Variants in PPP2R2C observed in about 807,000 individuals in gnomAD.
PPP2R2C encodes the protein protein phosphatase 2, regulatory subunit B, gamma.
A neutral mutation model predicts 45.3 loss-of-function variants in PPP2R2C; 10 were observed. The observed-to-expected ratio is 0.22, with a 90% CI of 0.14 to 0.37. The LOEUF is 0.37. Among genes scored for constraint, PPP2R2C ranks in the 10% least tolerant of loss-of-function variants. The pLI, the probability that PPP2R2C is intolerant of heterozygous loss-of-function variation, is 1.00. For missense variants in PPP2R2C, 308 were observed against 619.7 expected (o/e 0.50, Z 5.34); for synonymous variants, 257 against 245.4 (o/e 1.05, Z -0.44).
intron 1 of PPP2R2C, among the ~76,000 whole-genome samples, chr4:6,435,632 A>T (rs528158577): frequency 9.0e-4 from 137 of 152,342 alleles, no homozygotes; most frequent in African/African-American, 3.3e-3. Context: ...TTTATACAAG[A>T]TTCGTGCACC....
rs1389875178 is a variant in PPP2R2C, at chr4:6,330,598, C to T, written c.961-1245G>A. ...GCGTGTGGGCTCGCATAGTCACTCT[C>T]CCCTGGGTCACCAGCCTGCCCGCCT... On this transcript the variant is annotated intron_variant, in intron 7 of 8. Transcript: ENST00000382599. This position sits in a 1 kb window ranked among gnomAD's most constrained non-coding sequence, Gnocchi z 7.0. 2.0e-5 allele frequency among the ~76,000 whole-genome samples: 3 copies of T among 152,182 alleles called. No homozygotes were observed. Among genetic ancestry groups the T allele is most frequent in the Non-Finnish European group, 2.9e-5 (2 of 68,040 alleles).
Position 6,368,313 on chromosome 4 carries a change from C to T in PPP2R2C, c.625+4210G>A, listed in dbSNP as rs550553840. 3.9e-5 allele frequency among the ~76,000 whole-genome samples: 6 copies of T among 152,306 alleles called. No individual in the cohort carries two copies. In the East Asian group the frequency reaches 7.7e-4, roughly 20 times the overall value. On this transcript the variant is annotated intron_variant, in intron 5 of 8. Coordinates refer to ENST00000382599, the MANE Select transcript of PPP2R2C (RefSeq NM_020416.4). This position sits in a 1 kb window ranked among gnomAD's most constrained non-coding sequence, Gnocchi z 4.2. ...GGCTGGAGAGAAATGTACACGGCTG[C>T]GCTGGCTGGGCCACCGACTCCCTGT...
intron 2 of PPP2R2C, chr4:6,535,142 A>G: frequency 9.2e-7 from 1 of 1,085,784 alleles, no homozygotes; most frequent in Non-Finnish European, 1.3e-6. Context: ...CAGGGGAGGG[A>G]CCGGATCCCA....
upstream of PPP2R2C, among the ~76,000 whole-genome samples, chr4:6,474,950 G>A (rs1418278859): frequency 6.6e-6 from 1 of 152,018 alleles, no homozygotes; most frequent in African/African-American, 2.4e-5. Flanking sequence ...GCCACCCCCA[G>A]CCTCTCTGTA....
intron 3 of PPP2R2C, among the ~76,000 whole-genome samples, chr4:6,377,937 G>GC (rs1448706882): frequency 3.3e-5 from 5 of 152,320 alleles, no homozygotes; most frequent in Non-Finnish European, 7.4e-5. Flanking sequence ...TCCTCCCACT[G>GC]CCCCGCAAGG....
chr4:6,355,147 A>T (rs1252099441), intron 5 of PPP2R2C, among the ~76,000 whole-genome samples: 1 of 152,182 alleles, frequency 6.6e-6, no homozygotes, highest in African/African-American at 2.4e-5. Context: ...GCCTGTCAGG[A>T]TTGCTGCTGC....
rs547992345 is a variant in PPP2R2C, at chr4:6,356,723, T to G, written c.626-8713A>C. Among the ~76,000 whole-genome samples the G allele has an allele frequency of 4.6e-5, 7 of 152,374 alleles. No individual in the cohort carries two copies. The East Asian group carries it at 1.3e-3, about 29-fold the overall frequency. On this transcript the variant is annotated intron_variant, in intron 5 of 8. Coordinates refer to ENST00000382599, the MANE Select transcript of PPP2R2C (RefSeq NM_020416.4). ...GAGAAGGTCTGCGGCCTGTTCTGCC[T>G]GGCTGCCAGGGACCCTGGGTTCCAG... is the stretch of plus-strand genomic sequence containing the variant.
chr4:6,432,521 C>G (rs1377603790), intron 1 of PPP2R2C, among the ~76,000 whole-genome samples: 1 of 152,244 alleles, frequency 6.6e-6, no homozygotes, highest in South Asian at 2.1e-4. Context: ...ACCAGCTTCA[C>G]TGTCATCTCC....
intron 2 of PPP2R2C, among the ~76,000 whole-genome samples, chr4:6,509,273 C>T (rs1367396135): frequency 6.6e-6 from 1 of 152,180 alleles, no homozygotes; most frequent in Non-Finnish European, 1.5e-5. Flanking sequence ...ATCTGAAAGC[C>T]TTGCCTGGCA....
At position 6,368,318 on chromosome 4, in the gene PPP2R2C, G is replaced by T. The variant is rs1714511143; in HGVS notation, c.625+4205C>A. ...GAGAGAAATGTACACGGCTGCGCTG[G>T]CTGGGCCACCGACTCCCTGTAGCAC... is the stretch of plus-strand genomic sequence containing the variant. On this transcript the variant is annotated intron_variant, in intron 5 of 8. Transcript: ENST00000382599. This position sits in a 1 kb window ranked among gnomAD's most constrained non-coding sequence, Gnocchi z 4.2. 6.6e-6 allele frequency among the ~76,000 whole-genome samples: 1 copy of T among 152,318 alleles called. No individual in the cohort carries two copies. Among genetic ancestry groups the T allele is most frequent in the Non-Finnish European group, 1.5e-5 (1 of 68,034 alleles).
chr4:6,456,648 G>A (rs1560561770), intron 1 of PPP2R2C, among the ~76,000 whole-genome samples: 1 of 152,214 alleles, frequency 6.6e-6, no homozygotes, highest in Admixed American at 6.5e-5. Context: ...TGGCTGGAGG[G>A]CTGCACACTG....
In PPP2R2C at chr4:6,345,254, TGTACACAGGCA is replaced by T. The variant is rs1158612978; in HGVS notation, c.790+2581_790+2591del. Reference sequence around the variant, plus strand: ...CATTCCATTCGGACCCAGACCTGGCTGTACACAGGCACAGCTGGAGGCACATGTGGCCTGAG... The same window carrying T: ...CATTCCATTCGGACCCAGACCTGGCTCAGCTGGAGGCACATGTGGCCTGAG... On this transcript the variant is annotated intron_variant, in intron 6 of 8. Coordinates refer to ENST00000382599, the MANE Select transcript of PPP2R2C (RefSeq NM_020416.4). The surrounding 1 kb of genome is among the most constrained non-coding windows in gnomAD (Gnocchi z 5.3). 6.6e-6 allele frequency among the ~76,000 whole-genome samples: 1 copy of T among 152,156 alleles called. No individual in the cohort carries two copies. Among genetic ancestry groups the T allele is most frequent in the Non-Finnish European group, 1.5e-5 (1 of 68,038 alleles).
chr4:6,337,679 G>A (rs1733089942), intron 6 of PPP2R2C, among the ~76,000 whole-genome samples: 1 of 152,124 alleles, frequency 6.6e-6, no homozygotes, highest in Admixed American at 6.5e-5. Flanking sequence ...GTGTCACAGG[G>A]CAGAACGAGT....
chr4:6,345,837 C>A lies in PPP2R2C; in HGVS notation c.790+2009G>T, dbSNP rs1029548938. Among the ~76,000 whole-genome samples the A allele has an allele frequency of 3.3e-5, 5 of 152,176 alleles. No individual in the cohort carries two copies. The highest frequency in any genetic ancestry group is 2.0e-4 in the Admixed American group (3 of 15,284). On this transcript the variant is annotated intron_variant, in intron 6 of 8. Coordinates refer to ENST00000382599, the MANE Select transcript of PPP2R2C (RefSeq NM_020416.4). This position sits in a 1 kb window ranked among gnomAD's most constrained non-coding sequence, Gnocchi z 5.3. ...CTGCACCCCGGGAATCTCAGCTGGT[C>A]TCCAGCCTCCCATCAGTCCACGGCC...
intron 6 of PPP2R2C, among the ~76,000 whole-genome samples, chr4:6,341,940 T>C (rs972889142): frequency 5.3e-5 from 8 of 152,118 alleles, no homozygotes; most frequent in Non-Finnish European, 1.2e-4. Context: ...ACTAAGCTCA[T>C]GGCAATTGTT....
chr4:6,383,010 T>C (rs1368146794), intron 1 of PPP2R2C: 1 of 1,075,382 alleles, frequency 9.3e-7, no homozygotes, highest in Non-Finnish European at 1.1e-6. Flanking sequence ...ACCCCTCCCA[T>C]GGTGGGCCAG....
chr4:6,383,953 G>A (rs545157884), intron 1 of PPP2R2C: 5 of 986,314 alleles, frequency 5.1e-6, no homozygotes, highest in South Asian at 9.4e-5. Flanking sequence ...GAGAGAGGGT[G>A]GTTAGAAGTG....
chr4:6,348,826 T>A (rs2109227900), intron 5 of PPP2R2C: 2 of 672,098 alleles, frequency 3.0e-6, no homozygotes, highest in East Asian at 2.7e-4. Flanking sequence ...AAGCTGCACC[T>A]GAAGCCATTC....
intron 1 of PPP2R2C, among the ~76,000 whole-genome samples, chr4:6,436,055 G>A (rs1419626568): frequency 6.6e-6 from 1 of 152,178 alleles, no homozygotes; most frequent in Non-Finnish European, 1.5e-5. Flanking sequence ...AGATCTCAGA[G>A]AGCTCCCTAG....
Sources: allele counts gnomAD v4.1 joint callset (sites outside exome capture counted in the v4.1 genomes callset), GRCh38; gene constraint gnomAD v4.1.1; non-coding constraint Gnocchi (gnomAD v3.1); transcripts MANE v1.5; gene names NCBI Gene and HGNC (gene_info 2026-07-23, HGNC 2026-07-21).